Variants in ST13 observed in about 807,000 individuals in gnomAD.
The protein encoded by ST13 is ST13 Hsp70 interacting protein.
Under a neutral mutation model 56.7 loss-of-function variants are expected in ST13, and 23 were observed. The ratio of observed to expected loss-of-function variants is 0.41; its 90% CI spans 0.29 to 0.57. ST13 has a LOEUF of 0.57. ST13 is among the 20% of genes least tolerant of loss of function. The pLI is 0.36. For missense variants in ST13, 369 were observed against 459.9 expected, an observed-to-expected ratio of 0.80 and a Z score of 1.81; for synonymous variants, 132 against 142.4, an observed-to-expected ratio of 0.93 and a Z score of 0.52.
chr22:40,847,513 C>T (rs1195699402), intron 3 of ST13, among the ~76,000 whole-genome samples: 1 of 147,842 alleles, frequency 6.8e-6, no homozygotes, highest in Non-Finnish European at 1.5e-5. Context: ...CACACTGCTG[C>T]ACTCCAGCCT....
intron 8 of ST13, chr22:40,832,137 AGC>A (rs2057756733): frequency 2.1e-6 from 1 of 467,670 alleles, no homozygotes; most frequent in Non-Finnish European, 4.4e-6. Flanking sequence ...TACAGGCATG[AGC>A]CACCGCGCCT....
At chr22:40,849,479 CAAAAAAAA>C (rs57060131) in intron 2 of ST13, among the ~76,000 whole-genome samples, 1 of 55,106 alleles carries the variant, frequency 1.8e-5, no homozygotes, top group African/African-American at 5.5e-5. Context: ...GACTCTGTCT[CAAAAAAAA>C]AAAAAAAAAA....
At chr22:40,850,172 C>T (rs2057854211) in intron 2 of ST13, among the ~76,000 whole-genome samples, 2 of 152,180 alleles carry the variant, frequency 1.3e-5, no homozygotes, top group South Asian at 4.1e-4. Flanking sequence ...ACAGGAGAAT[C>T]GCTTGAAGCC....
At chr22:40,827,037 G>C in intron 11 of ST13, 59 bp downstream of exon 11, 1 of 1,571,704 alleles carries the variant, frequency 6.4e-7, no homozygotes, top group Non-Finnish European at 8.7e-7. Context: ...TCTCCACACA[G>C]AATTATGAAA....
intron 10 of ST13, among the ~76,000 whole-genome samples, chr22:40,828,863 C>G (rs908231116): frequency 6.6e-6 from 1 of 152,078 alleles, no homozygotes; most frequent in Non-Finnish European, 1.5e-5. Context: ...TAGTGCCTAC[C>G]CGTAACGAAA....
chr22:40,854,096 T>C (rs1212947343), intron 1 of ST13, among the ~76,000 whole-genome samples: 1 of 152,234 alleles, frequency 6.6e-6, no homozygotes, highest in Non-Finnish European at 1.5e-5. Context: ...TAGGCAGATG[T>C]ACTGTTCTTC....
At chr22:40,846,148 C>A (rs2057830132) in intron 3 of ST13, among the ~76,000 whole-genome samples, 1 of 152,066 alleles carries the variant, frequency 6.6e-6, no homozygotes, top group South Asian at 2.1e-4. Context: ...GTTAGTCAGG[C>A]TGGTCTCCAA....
At chr22:40,832,071 G>C in intron 8 of ST13, 1 of 402,064 alleles carries the variant, frequency 2.5e-6, no homozygotes, top group Non-Finnish European at 4.9e-6. Flanking sequence ...GGCCAGGCTG[G>C]TCTTGAACTC....
rs1415336102 is a variant in ST13, at chr22:40,826,614, A to C, written c.1034T>G (p.Met345Arg). 5.0e-6 allele frequency: 8 copies of C among 1,606,568 alleles called. No individual in the cohort carries two copies. Among genetic ancestry groups the C allele is most frequent in the South Asian group, 1.1e-5 (1 of 91,076 alleles). ...CTTTGGGTTGCTCTGGTATTTTGAC[A>C]TATTTGCTGGGTTCTGAGCCACATC... Reference protein sequence around the residue: ...FQDVAQNPANMSKYQSNPKVM... With the variant: ...FQDVAQNPANRSKYQSNPKVM... Residue 345 changes from methionine to arginine, a missense_variant, in exon 12 of 12, where the codon ATG (methionine) becomes AGG (arginine). Met to Arg is a moderately conservative substitution (Grantham distance 91). This residue lies in a region of ST13 where 136 missense variants were observed against 159.2 expected (regional missense o/e 0.85). Transcript: ENST00000216218.
chr22:40,830,651 ATAATT>A (rs1377273816), intron 9 of ST13, among the ~76,000 whole-genome samples, 184 bp downstream of exon 9: 4 of 152,228 alleles, frequency 2.6e-5, no homozygotes. Flanking sequence ...AGCTCACTGA[ATAATT>A]TAAGACTAAA....
intron 3 of ST13, among the ~76,000 whole-genome samples, chr22:40,846,038 G>C (rs529028545): frequency 4.6e-5 from 7 of 152,186 alleles, no homozygotes; most frequent in Non-Finnish European, 1.0e-4. Context: ...CCAGGTTCAA[G>C]CAATTGTCCT....
intron 5 of ST13, among the ~76,000 whole-genome samples, chr22:40,838,933 G>C (rs1047120200): frequency 6.7e-6 from 1 of 150,342 alleles, no homozygotes; most frequent in Non-Finnish European, 1.5e-5. Context: ...AAAAATTCTA[G>C]AACAGTAAAG....
intron 4 of ST13, among the ~76,000 whole-genome samples, chr22:40,841,599 T>C (rs1190455034): frequency 6.6e-6 from 1 of 151,924 alleles, no homozygotes; most frequent in African/African-American, 2.4e-5. Context: ...AAATAAATAT[T>C]AAATATAAAA....
chr22:40,827,222 A>C lies in ST13; in HGVS notation c.855T>G (p.Phe285Leu). ...GAQYGSFPGG[F>L]PGGMPGNFPG... ...GAAAATTACCAGGCATTCCCCCAGGAAAGCCACCTGTAATAAAAAATGAAT... is the reference window on the plus strand; with the variant it reads ...GAAAATTACCAGGCATTCCCCCAGGCAAGCCACCTGTAATAAAAAATGAAT... The change falls in exon 11 of 12, where the codon TTT (phenylalanine) becomes TTG (leucine). Residue 285 changes from phenylalanine to leucine, a missense_variant. This residue lies in a region of ST13 where 136 missense variants were observed against 159.2 expected (regional missense o/e 0.85). Coordinates refer to ENST00000216218, the MANE Select transcript of ST13 (RefSeq NM_003932.5). 1 of 1,613,704 alleles carries C rather than the reference A, an allele frequency of 6.2e-7. No individual in the cohort carries two copies.
rs1188555231 is a variant in ST13, at chr22:40,856,465, C to T, written c.76G>A (p.Glu26Lys). Residue 26 changes from glutamate (E) to lysine (K), a missense_variant, in exon 1 of 12, where the codon GAG becomes AAG. Around this residue, in one of 3 missense-constraint regions of ST13, gnomAD observed 169 missense variants for 175.6 expected, o/e 0.96. Transcript: ENST00000216218. ...CACTCCCTCAGGAAGCGCATTTCCT[C>T]GGTGTGCAGAACGCTCGGATCCTGC... ...CKQDPSVLHT[E>K]EMRFLREWVE... 1 of 1,613,644 alleles carries T rather than the reference C, an allele frequency of 6.2e-7. No homozygotes were observed. Among genetic ancestry groups the T allele is most frequent in the South Asian group, 1.1e-5 (1 of 91,064 alleles).
At chr22:40,832,301 T>C (rs1043738069) in intron 8 of ST13, 1 of 500,708 alleles carries the variant, frequency 2.0e-6, no homozygotes, top group Non-Finnish European at 3.8e-6. Flanking sequence ...GTAAACCTGA[T>C]ACCCCCTTTT....
chr22:40,853,218 A>T (rs1325053529), intron 1 of ST13, among the ~76,000 whole-genome samples: 1 of 152,202 alleles, frequency 6.6e-6, no homozygotes, highest in African/African-American at 2.4e-5. Flanking sequence ...TTTGCATTGT[A>T]AAGACTTTGT....
At chr22:40,827,513 T>C (rs1390254228) in intron 10 of ST13, among the ~76,000 whole-genome samples, 1 of 152,212 alleles carries the variant, frequency 6.6e-6, no homozygotes, top group Non-Finnish European at 1.5e-5. Context: ...AGTCTTGCTC[T>C]GTCGCCCAGG....
At chr22:40,831,119 C>A (rs2057751961) in intron 8 of ST13, among the ~76,000 whole-genome samples, 163 bp from the exon 9 acceptor site, 1 of 152,178 alleles carries the variant, frequency 6.6e-6, no homozygotes, top group South Asian at 2.1e-4. Context: ...TTAAGAAAAC[C>A]AACCTCAACT....
Sources: gnomAD v4.1 joint callset for allele counts (sites outside exome capture counted in the v4.1 genomes callset) on GRCh38, gnomAD v4.1.1 for gene constraint, gnomAD v4.1.1 regional missense constraint, MANE v1.5 for transcripts, NCBI Gene and HGNC (gene_info 2026-07-23, HGNC 2026-07-21) for gene names.